INTS2: variants seen among roughly 807,000 people sequenced by gnomAD.
The protein encoded by INTS2 is integrator complex subunit 2.
INTS2 carries 57 observed loss-of-function variants against 139.6 expected under a neutral mutation model. The ratio of observed to expected loss-of-function variants is 0.41; its 90% CI spans 0.33 to 0.51. The LOEUF (loss-of-function observed/expected upper bound fraction) is 0.51. Ranked by LOEUF, INTS2 falls within the 20% of genes least tolerant of loss-of-function variation. The pLI is 0.28. For synonymous variants in INTS2, 473 were observed against 493.4 expected (o/e 0.96, Z 0.55); for missense variants, 1,196 against 1,436.7 (o/e 0.83, Z 2.71).
At chr17:61,891,097 C>T (rs562435572) in intron 14 of INTS2, among the ~76,000 whole-genome samples, 5 of 150,664 alleles carry the variant, frequency 3.3e-5, no homozygotes, top group African/African-American at 9.7e-5. Flanking sequence ...AGTTCGAGAT[C>T]AGCCTGGCCA....
rs370271458 is a variant in INTS2, at chr17:61,872,215, T to G, written c.2778+50A>C. The G allele has an allele frequency of 3.8e-6, 5 of 1,328,476 alleles. No individual in the cohort carries two copies. Among genetic ancestry groups the G allele is most frequent in the Non-Finnish European group, 5.3e-6 (5 of 937,956 alleles). 82.3% of individuals were successfully genotyped at this position (1,328,476 alleles called of 1,614,324 possible). On this transcript the variant is annotated intron_variant, in intron 20 of 24. Coordinates refer to ENST00000251334, the MANE Select transcript of INTS2 (RefSeq NM_001351695.2). This position sits in a 1 kb window ranked among gnomAD's most constrained non-coding sequence, Gnocchi z 4.8. ...CCATCTATTGAACTGATTATACTAG[T>G]AGAGAAGCCCTTGCTCTTTTTGACT...
intron 5 of INTS2, among the ~76,000 whole-genome samples, chr17:61,916,941 A>G (rs1446510524): frequency 6.6e-6 from 1 of 152,196 alleles, no homozygotes; most frequent in African/African-American, 2.4e-5. Flanking sequence ...TAAACAATTC[A>G]ACAAGCAAAA....
intron 5 of INTS2, among the ~76,000 whole-genome samples, chr17:61,914,399 AC>A (rs1329316420): frequency 1.3e-5 from 2 of 152,160 alleles, no homozygotes; most frequent in African/African-American, 2.4e-5. Context: ...CCACAAAAAT[AC>A]AAAAAATTAG....
rs2079058477 is a variant in INTS2, at chr17:61,867,883, C to T, written c.3371G>A (p.Cys1124Tyr). ...TGTCTGAGTGGCAACATCAGAGGCACAAACTTGCCCTATTTGGATCAGCAA... is the reference window on the plus strand; with the variant it reads ...TGTCTGAGTGGCAACATCAGAGGCATAAACTTGCCCTATTTGGATCAGCAA... ...MSLLIQIGQVCASDVATQTRD... is the reference protein window; with the variant it reads ...MSLLIQIGQVYASDVATQTRD... Residue 1124 changes from cysteine (C) to tyrosine (Y), a missense_variant, in exon 24 of 25, where the codon TGT becomes TAT. Coordinates refer to ENST00000251334, the MANE Select transcript of INTS2 (RefSeq NM_001351695.2). This position sits in a 1 kb window ranked among gnomAD's most constrained non-coding sequence, Gnocchi z 5.6. 1.2e-6 allele frequency: 2 copies of T among 1,609,444 alleles called. No individual in the cohort carries two copies. Among genetic ancestry groups the T allele is most frequent in the Non-Finnish European group, 1.7e-6 (2 of 1,178,610 alleles).
At chr17:61,884,769 G>A in intron 16 of INTS2, 132 bp downstream of exon 16, 1 of 655,182 alleles carries the variant, frequency 1.5e-6, no homozygotes, top group Non-Finnish European at 2.6e-6. Flanking sequence ...TTTAGTGAGG[G>A]AGGCAAAGAG....
Position 61,869,853 on chromosome 17 carries a change from C to G in INTS2, c.2914G>C (p.Glu972Gln). 6.2e-7 allele frequency: 1 copy of G among 1,613,930 alleles called. No homozygotes were observed. Among genetic ancestry groups the G allele is most frequent in the South Asian group, 1.1e-5 (1 of 91,072 alleles). Residue 972 changes from glutamate (E) to glutamine (Q), a missense_variant, in exon 21 of 25, where the codon GAG becomes CAG. Physicochemically the swap from Glu to Gln is conservative, Grantham distance 29 (BLOSUM62 2). Around this residue, in one of 3 missense-constraint regions of INTS2, gnomAD observed 1,129 missense variants for 1,341.9 expected, o/e 0.84. Coordinates refer to ENST00000251334, the MANE Select transcript of INTS2 (RefSeq NM_001351695.2). The surrounding 1 kb of genome is among the most constrained non-coding windows in gnomAD (Gnocchi z 5.4). Reference protein sequence around the residue: ...ITTSAPNKGMEEGEDNLLCNL... With the variant: ...ITTSAPNKGMQEGEDNLLCNL... Reference sequence around the variant, plus strand: ...CAGAGCAAATTGTCTTCTCCTTCCTCCATTCCCTTATTTGGAGCGCTGGTG... The same window carrying G: ...CAGAGCAAATTGTCTTCTCCTTCCTGCATTCCCTTATTTGGAGCGCTGGTG...
At chr17:61,926,296 C>G (rs2079712464) in intron 2 of INTS2, 56 bp downstream of exon 2, 2 of 1,378,246 alleles carry the variant, frequency 1.5e-6, no homozygotes, top group Admixed American at 4.5e-5. Flanking sequence ...TAAAAAATAT[C>G]TGATTCCCTG....
Position 61,893,083 on chromosome 17 carries a change from G to A in INTS2, c.1698+682C>T, listed in dbSNP as rs1455453186. On this transcript the variant is annotated intron_variant, in intron 13 of 24. Coordinates refer to ENST00000251334, the MANE Select transcript of INTS2 (RefSeq NM_001351695.2). The surrounding 1 kb of genome is among the most constrained non-coding windows in gnomAD (Gnocchi z 5.4). Reference sequence around the variant, plus strand: ...GGTTACAGTGAGCTATGACAGCCTGGGCGACAGAGTGAGACCCTGTCTTTA... The same window carrying A: ...GGTTACAGTGAGCTATGACAGCCTGAGCGACAGAGTGAGACCCTGTCTTTA... Among the ~76,000 whole-genome samples the A allele has an allele frequency of 5.9e-5, 9 of 151,434 alleles. No homozygotes were observed. The highest frequency in any genetic ancestry group is 2.0e-4 in the Admixed American group (3 of 15,176).
intron 17 of INTS2, among the ~76,000 whole-genome samples, chr17:61,878,560 T>A (rs1280118872): frequency 6.6e-6 from 1 of 151,576 alleles, no homozygotes; most frequent in African/African-American, 2.4e-5. Flanking sequence ...CAAGACTCCA[T>A]CTCAAAAAAA....
At chr17:61,874,446 C>T (rs777958384) in intron 19 of INTS2, among the ~76,000 whole-genome samples, 1 of 152,142 alleles carries the variant, frequency 6.6e-6, no homozygotes, top group Non-Finnish European at 1.5e-5. Flanking sequence ...TGAGATGAAG[C>T]CACTTGAAAG....
At position 61,909,137 on chromosome 17, in the gene INTS2, G is replaced by C. The variant is rs2079496628; in HGVS notation, c.955-1503C>G. Among the ~76,000 whole-genome samples the C allele has an allele frequency of 6.6e-6, 1 of 151,430 alleles. No individual in the cohort carries two copies. The highest frequency in any genetic ancestry group is 1.5e-5 in the Non-Finnish European group (1 of 67,926). On this transcript the variant is annotated intron_variant, in intron 7 of 24. Coordinates refer to ENST00000251334, the MANE Select transcript of INTS2 (RefSeq NM_001351695.2). The surrounding 1 kb of genome is among the most constrained non-coding windows in gnomAD (Gnocchi z 4.9). ...ATTATTTTTCTTTTTTTTTGAGACC[G>C]AGTCCTGCTCTGTCACCAGGCTGGA...
chr17:61,927,891 T>C lies in INTS2; in HGVS notation c.-256A>G, dbSNP rs776511417. The C allele has an allele frequency of 1.3e-5, 21 of 1,611,250 alleles. No homozygotes were observed. Among genetic ancestry groups the C allele is most frequent in the African/African-American group, 4.0e-5 (3 of 74,840 alleles). Reference sequence around the variant, plus strand: ...CCACACAAAGGCAGAACCGGGACTGTAGGAACGGAAAAGCGGGAGACTTTT... The same window carrying C: ...CCACACAAAGGCAGAACCGGGACTGCAGGAACGGAAAAGCGGGAGACTTTT... On this transcript the variant is annotated 5_prime_UTR_variant, in exon 1 of 25. Transcript: ENST00000251334.
chr17:61,920,432 T>G (rs1373215909), intron 4 of INTS2, among the ~76,000 whole-genome samples: 2 of 148,304 alleles, frequency 1.3e-5, no homozygotes, highest in Non-Finnish European at 3.0e-5. Context: ...TCCACCCACC[T>G]CGGCCTCCCA....
chr17:61,883,203 T>C (rs765757943), intron 16 of INTS2, among the ~76,000 whole-genome samples: 13 of 152,066 alleles, frequency 8.5e-5, no homozygotes, highest in Non-Finnish European at 1.8e-4. Context: ...AAAATAACAT[T>C]ATTTTCTGGA....
chr17:61,895,831 T>C (rs1292648919), intron 11 of INTS2, among the ~76,000 whole-genome samples: 1 of 152,048 alleles, frequency 6.6e-6, no homozygotes, highest in Admixed American at 6.6e-5. Flanking sequence ...GATTAAAATG[T>C]TCAAATGTAA....
chr17:61,924,676 A>C (rs1368364078), intron 3 of INTS2, among the ~76,000 whole-genome samples: 1 of 152,106 alleles, frequency 6.6e-6, no homozygotes, highest in East Asian at 1.9e-4. Context: ...AAAAATACAA[A>C]AAATTAGCTG....
At chr17:61,908,468 G>T (rs551450880) in intron 7 of INTS2, among the ~76,000 whole-genome samples, 2 of 152,222 alleles carry the variant, frequency 1.3e-5, no homozygotes, top group South Asian at 4.2e-4. Context: ...CTTCAGGCAG[G>T]GACAATGCCT....
At chr17:61,904,020 A>G (rs2079435400) in intron 9 of INTS2, among the ~76,000 whole-genome samples, 1 of 152,246 alleles carries the variant, frequency 6.6e-6, no homozygotes, top group Admixed American at 6.5e-5. Flanking sequence ...TAAAATAGGA[A>G]GGAGAGAAGG....
At chr17:61,922,548 G>GTATATATA (rs1491297129) in intron 3 of INTS2, among the ~76,000 whole-genome samples, 2 of 81,036 alleles carry the variant, frequency 2.5e-5, no homozygotes, top group Admixed American at 1.4e-4. Flanking sequence ...ATATATATAC[G>GTATATATA]TGTTCAATTC....
Sources: gnomAD v4.1 joint callset for allele counts (sites outside exome capture counted in the v4.1 genomes callset) on GRCh38, gnomAD v4.1.1 for gene constraint, gnomAD v4.1.1 regional missense constraint, Gnocchi (gnomAD v3.1) non-coding constraint, MANE v1.5 for transcripts, NCBI Gene and HGNC (gene_info 2026-07-23, HGNC 2026-07-21) for gene names.